The following GRPEL2 variants were observed in gnomAD, a reference collection of about 807,000 sequenced individuals.
The protein encoded by GRPEL2 is GrpE like 2, mitochondrial, also known as grpE protein homolog 2, mitochondrial.
A neutral mutation model predicts 25.9 loss-of-function variants in GRPEL2; 18 were observed. That is an observed-to-expected ratio of 0.70 (90% CI 0.48 to 1.03). The LOEUF (loss-of-function observed/expected upper bound fraction) is 1.03. GRPEL2 is among the 50% of genes least tolerant of loss of function. The pLI, the probability that GRPEL2 is intolerant of heterozygous loss-of-function variation, is 0.00. For synonymous variants in GRPEL2, 106 were observed against 107.9 expected (o/e 0.98, Z 0.11); for missense variants, 247 against 276.2 (o/e 0.89, Z 0.75).
chr5:149,352,690 A>G lies in GRPEL2; in HGVS notation c.*1408A>G, dbSNP rs773069903. 1.3e-5 allele frequency: 2 copies of G among 152,178 alleles called. No individual in the cohort carries two copies. The highest frequency in any genetic ancestry group is 1.5e-5 in the Non-Finnish European group (1 of 68,034). The allele number at this position is 152,178 out of a possible 1,614,324, so 9.4% of individuals were successfully genotyped here. A position where few individuals can be genotyped will look rare whatever the true frequency, so the allele number is the denominator to read the frequency against. On this transcript the variant is annotated 3_prime_UTR_variant, in exon 4 of 4. Transcript: ENST00000329271. Reference sequence around the variant, plus strand: ...CAGTCAGATTTTAGGAAGGCAGTCAATTATGGATATTTTAATGTTGGAAGA... The same window carrying G: ...CAGTCAGATTTTAGGAAGGCAGTCAGTTATGGATATTTTAATGTTGGAAGA...
At chr5:149,345,644 G>A (rs1757676345) in intron 1 of GRPEL2, 28 bp downstream of exon 1, 1 of 1,574,144 alleles carries the variant, frequency 6.4e-7, no homozygotes. Flanking sequence ...GGAGTCGGGA[G>A]CGTGAGGACT....
intron 2 of GRPEL2, among the ~76,000 whole-genome samples, chr5:149,349,121 G>T (rs1367665908): frequency 6.6e-6 from 1 of 151,818 alleles, no homozygotes; most frequent in Admixed American, 6.6e-5. Flanking sequence ...TCAGCCTCCC[G>T]AATAGCTGGG....
chr5:149,346,191 T>C (rs888535700), intron 1 of GRPEL2, among the ~76,000 whole-genome samples: 8 of 152,164 alleles, frequency 5.3e-5, no homozygotes, highest in African/African-American at 1.9e-4. Flanking sequence ...TTAGAAAAGT[T>C]GAGTAACTTC....
chr5:149,348,191 G>C, intron 1 of GRPEL2, 81 bp from the exon 2 acceptor site: 1 of 1,259,778 alleles, frequency 7.9e-7, no homozygotes, highest in Non-Finnish European at 1.1e-6. Context: ...CATCTGGGAA[G>C]ATCTCTGGTC....
At chr5:149,346,240 G>C (rs940626294) in intron 1 of GRPEL2, among the ~76,000 whole-genome samples, 2 of 152,238 alleles carry the variant, frequency 1.3e-5, no homozygotes, top group Non-Finnish European at 2.9e-5. Flanking sequence ...ACCCGGGCTG[G>C]AAACCAGTCA....
In GRPEL2 at chr5:149,348,287, A is replaced by C; in HGVS notation, c.93A>C (p.Pro31=). Reference sequence around the variant, plus strand: ...CCTGTTTTAGGGGATGGCCGCTTCCATTCAGCACTGCCACCCAGAGAACTG... The same window carrying C: ...CCTGTTTTAGGGGATGGCCGCTTCCCTTCAGCACTGCCACCCAGAGAACTG... ...AAWESKGWPL[P]FSTATQRTAG... The change falls in exon 2 of 4, where the codon CCA becomes CCC. Residue 31 remains proline, a synonymous_variant. Transcript: ENST00000329271. 2 of 1,604,938 alleles carry C rather than the reference A, an allele frequency of 1.2e-6. No individual in the cohort carries two copies. Among genetic ancestry groups the C allele is most frequent in the Non-Finnish European group, 1.7e-6 (2 of 1,177,754 alleles).
intron 3 of GRPEL2, among the ~76,000 whole-genome samples, chr5:149,350,561 A>G (rs1465650551): frequency 6.6e-6 from 1 of 152,352 alleles, no homozygotes; most frequent in South Asian, 2.1e-4. Context: ...ACAGGCAGGA[A>G]TTTTCAAAAT....
chr5:149,348,185 TG>T, intron 1 of GRPEL2, 86 bp from the exon 2 acceptor site: 1 of 1,202,744 alleles, frequency 8.3e-7, no homozygotes, highest in Non-Finnish European at 1.2e-6. Context: ...AGATTCCATC[TG>T]GGAAGATCTC....
chr5:149,347,325 G>A (rs140736919), intron 1 of GRPEL2, among the ~76,000 whole-genome samples: 1 of 152,124 alleles, frequency 6.6e-6, no homozygotes, highest in Non-Finnish European at 1.5e-5. Flanking sequence ...TTGCTCAGCT[G>A]TCTCCGTGAG....
At chr5:149,348,055 A>G (rs1757716773) in intron 1 of GRPEL2, 1 of 467,484 alleles carries the variant, frequency 2.1e-6, no homozygotes, top group African/African-American at 2.0e-5. Flanking sequence ...GGATAATGAT[A>G]GGACTTATCT....
At chr5:149,348,146 G>T in intron 1 of GRPEL2, 126 bp from the exon 2 acceptor site, 1 of 808,926 alleles carries the variant, frequency 1.2e-6, no homozygotes, top group Non-Finnish European at 1.9e-6. Flanking sequence ...GTGTTCATTT[G>T]TTACTATAAC....
chr5:149,346,446 C>A (rs1757690684), intron 1 of GRPEL2, among the ~76,000 whole-genome samples: 1 of 152,138 alleles, frequency 6.6e-6, no homozygotes. Flanking sequence ...ACCCTTTTTA[C>A]CTTAACACAC....
Position 149,345,568 on chromosome 5 carries a change from G to C in GRPEL2, c.29G>C (p.Arg10Pro), listed in dbSNP as rs1371460130. 2 of 1,611,872 alleles carry C rather than the reference G, an allele frequency of 1.2e-6. No homozygotes were observed. The highest frequency in any genetic ancestry group is 1.7e-6 in the Non-Finnish European group (2 of 1,179,362). The change falls in exon 1 of 4, where the codon CGG becomes CCG. Residue 10 changes from arginine to proline, a missense_variant. Transcript: ENST00000329271. The stretch of plus-strand genomic sequence containing the variant: ...GCCGTACGGTCGCTGTGGGCGGGCC[G>C]GCTGCGGGTGCAGCGCCTACTGGCC... Reference protein sequence around the residue: MAVRSLWAGRLRVQRLLAWS... With the variant: MAVRSLWAGPLRVQRLLAWS...
intron 3 of GRPEL2, among the ~76,000 whole-genome samples, chr5:149,350,489 C>G (rs951191072): frequency 6.6e-6 from 1 of 152,096 alleles, no homozygotes; most frequent in Admixed American, 6.5e-5. Flanking sequence ...ATTGTTAGTG[C>G]CCTTCTCGTG....
Position 149,353,372 on chromosome 5 carries a change from T to C in GRPEL2, c.*2090T>C, listed in dbSNP as rs191245991. The C allele has an allele frequency of 9.5e-4, 145 of 152,362 alleles. 1 individual carries two copies. Among genetic ancestry groups the C allele is most frequent in the African/African-American group, 3.4e-3 (141 of 41,576 alleles). The allele number at this position is 152,362 out of a possible 1,614,324, so 9.4% of individuals were successfully genotyped here. A position where few individuals can be genotyped will look rare whatever the true frequency, so the allele number is the denominator to read the frequency against. On this transcript the variant is annotated 3_prime_UTR_variant, in exon 4 of 4. Transcript: ENST00000329271. ...CTGATTGTAATTACTCTCTGTGTGT[T>C]TTTTTATTGCTAGCTATCATTACCA...
In GRPEL2 at chr5:149,345,636, A is replaced by G. The variant is rs352347; in HGVS notation, c.77+20A>G. 777,530 of 1,591,578 alleles carry G rather than the reference A, an allele frequency of 0.49. 194,280 individuals carry two copies. The highest frequency in any genetic ancestry group is 0.73 in the African/African-American group (54,245 of 74,620). On this transcript the variant is annotated intron_variant, in intron 1 of 3. Coordinates refer to ENST00000329271, the MANE Select transcript of GRPEL2 (RefSeq NM_152407.4). ...GAGCAAGTAAGCATTGCAGGCGGGG[A>G]GTCGGGAGCGTGAGGACTCTGAGGG...
intron 2 of GRPEL2, 130 bp downstream of exon 2, chr5:149,348,555 T>G (rs1757725126): frequency 1.4e-6 from 1 of 700,288 alleles, no homozygotes; most frequent in Non-Finnish European, 2.3e-6. Flanking sequence ...TCATCCCTCC[T>G]CCACTCCTTG....
intron 3 of GRPEL2, among the ~76,000 whole-genome samples, chr5:149,350,472 T>C (rs1234057183): frequency 6.6e-6 from 1 of 152,182 alleles, no homozygotes; most frequent in Non-Finnish European, 1.5e-5. Context: ...GTTGACTTTC[T>C]TTTTTTATTG....
At chr5:149,345,754 G>A in intron 1 of GRPEL2, 138 bp downstream of exon 1, 1 of 675,308 alleles carries the variant, frequency 1.5e-6, no homozygotes, top group Non-Finnish European at 2.6e-6. Flanking sequence ...CTACGACCGT[G>A]CACTCACGGC....
Sources: gnomAD v4.1 joint callset for allele counts (sites outside exome capture counted in the v4.1 genomes callset) on GRCh38, gnomAD v4.1.1 for gene constraint, MANE v1.5 for transcripts, NCBI Gene and HGNC (gene_info 2026-07-23, HGNC 2026-07-21) for gene names.